Variants in SLC35D1 observed in about 807,000 individuals in gnomAD.
The protein encoded by SLC35D1 is nucleotide sugar transporter SLC35D1.
In SLC35D1, 31 loss-of-function variants were observed where a neutral mutation model predicts 46.7. The ratio of observed to expected loss-of-function variants is 0.66; its 90% CI spans 0.50 to 0.90. SLC35D1 has a LOEUF of 0.90. Ranked by LOEUF, SLC35D1 falls within the 40% of genes least tolerant of loss-of-function variation. The probability of loss-of-function intolerance (pLI) is 0.00; values close to 1 mark genes in which losing one functional copy is unlikely to be tolerated. For synonymous variants in SLC35D1, 195 were observed against 164.6 expected (o/e 1.18, Z -1.41); for missense variants, 397 against 426.2 (o/e 0.93, Z 0.60).
intron 10 of SLC35D1, among the ~76,000 whole-genome samples, chr1:67,016,992 T>C (rs903681654): frequency 6.6e-6 from 1 of 152,124 alleles, no homozygotes; most frequent in African/African-American, 2.4e-5. Context: ...TTTTATGATA[T>C]CAAAAGGAGA....
At chr1:67,008,477 T>C (rs1225910981) in intron 11 of SLC35D1, 2 of 1,287,390 alleles carry the variant, frequency 1.6e-6, no homozygotes, top group Admixed American at 2.3e-5. Flanking sequence ...AAAGACAAAG[T>C]TACAGTTCCT....
chr1:67,023,486 AT>A (rs35716426), intron 8 of SLC35D1, among the ~76,000 whole-genome samples: 23,129 of 131,514 alleles, frequency 0.18, 1,619 homozygotes, highest in East Asian at 0.34. Context: ...ATCTTTTGCC[AT>A]TTTTTTTTTT....
At chr1:67,045,908 T>C (rs1645246497) in intron 7 of SLC35D1, among the ~76,000 whole-genome samples, 2 of 152,184 alleles carry the variant, frequency 1.3e-5, no homozygotes, top group Admixed American at 6.5e-5. Flanking sequence ...TAAAATGTCA[T>C]TAATAGTATC....
In SLC35D1 at chr1:67,020,451, G is replaced by A; in HGVS notation, c.798-4C>T. ...TGTGGCGTACATTAAGATAAACCTA[G>A]AATGAAGAAAGAGGTATAAAATCCA... On this transcript the variant is annotated splice_polypyrimidine_tract_variant and splice_region_variant and intron_variant, in intron 9 of 11. Transcript: ENST00000235345. The A allele has an allele frequency of 6.3e-7, 1 of 1,595,872 alleles. No homozygotes were observed. The highest frequency in any genetic ancestry group is 8.6e-7 in the Non-Finnish European group (1 of 1,163,738).
At chr1:67,008,076 T>G (rs1310992943) in intron 11 of SLC35D1, among the ~76,000 whole-genome samples, 1 of 152,156 alleles carries the variant, frequency 6.6e-6, no homozygotes, top group Non-Finnish European at 1.5e-5. Flanking sequence ...AAGCCTAAGT[T>G]TATGCCTTTT....
At chr1:66,993,750 T>A in the SLC35D1 span, among the ~76,000 whole-genome samples, 2 of 152,188 alleles carry the variant, frequency 1.3e-5, no homozygotes, top group African/African-American at 4.8e-5. Flanking sequence ...GTTTAGAGGA[T>A]TAAAATGTGT....
At chr1:67,052,237 C>G (rs1645317186) in intron 3 of SLC35D1, among the ~76,000 whole-genome samples, 158 bp from the exon 4 acceptor site, 1 of 151,994 alleles carries the variant, frequency 6.6e-6, no homozygotes, top group African/African-American at 2.4e-5. Context: ...AACACCCAAA[C>G]AAAACTTATG....
intron 3 of SLC35D1, 59 bp from the exon 4 acceptor site, chr1:67,052,138 C>T (rs1198177085): frequency 1.7e-6 from 2 of 1,192,360 alleles, no homozygotes; most frequent in East Asian, 2.3e-5. Context: ...AAACAAGGTC[C>T]TTTCAAACAG....
chr1:66,977,392 G>GA, the SLC35D1 span, among the ~76,000 whole-genome samples: 2 of 152,152 alleles, frequency 1.3e-5, no homozygotes, highest in African/African-American at 2.4e-5. Context: ...TTACAGGAGT[G>GA]AGCCACTGTA....
intron 8 of SLC35D1, among the ~76,000 whole-genome samples, chr1:67,036,394 G>A (rs746833032): frequency 6.6e-6 from 1 of 151,970 alleles, no homozygotes; most frequent in Non-Finnish European, 1.5e-5. Context: ...TCACTGTAGA[G>A]ATCTTTCATT....
rs1667852273 is a variant in SLC35D1, at chr1:67,023,461, G to A, written c.730-1859C>T. 2.0e-5 allele frequency among the ~76,000 whole-genome samples: 3 copies of A among 150,756 alleles called. No homozygotes were observed. The South Asian group carries it at 6.3e-4, about 32-fold the overall frequency. ...TTGACATTAGCATTTCTTCTTTGGT[G>A]AAGTGTCTGTCTAAATCTTTTGCCA... On this transcript the variant is annotated intron_variant, in intron 8 of 11. Coordinates refer to ENST00000235345, the MANE Select transcript of SLC35D1 (RefSeq NM_015139.3).
the SLC35D1 span, among the ~76,000 whole-genome samples, chr1:66,974,779 C>T: frequency 4.8e-3 from 724 of 152,128 alleles, 12 homozygotes; most frequent in Admixed American, 0.027. Flanking sequence ...AAAAGGGAGA[C>T]GAGTACTCTA....
rs538777063 is a variant in SLC35D1, at chr1:67,035,082, G to A, written c.729+7154C>T. On this transcript the variant is annotated intron_variant, in intron 8 of 11. Transcript: ENST00000235345. ...AATTTGGTTTGCTAGTATTTTTGTT[G>A]AGGATTTCTCCACTACTATTCATCA... is the stretch of plus-strand genomic sequence containing the variant. Among the ~76,000 whole-genome samples, 10 of 152,092 alleles carry A rather than the reference G, an allele frequency of 6.6e-5. No individual in the cohort carries two copies. In the East Asian group the frequency reaches 1.7e-3, roughly 26 times the overall value.
intron 8 of SLC35D1, among the ~76,000 whole-genome samples, chr1:67,038,644 G>C (rs1668173304): frequency 6.6e-6 from 1 of 152,146 alleles, no homozygotes; most frequent in Admixed American, 6.5e-5. Flanking sequence ...TGTCCACTCT[G>C]CCTTTATCTA....
At chr1:66,980,427 A>G in the SLC35D1 span, among the ~76,000 whole-genome samples, 6 of 152,222 alleles carry the variant, frequency 3.9e-5, no homozygotes, top group African/African-American at 1.2e-4. Flanking sequence ...ACCTCAGACT[A>G]TTAGAAGTTT....
At chr1:67,046,713 G>C (rs1157439324) in intron 7 of SLC35D1, among the ~76,000 whole-genome samples, 1 of 152,162 alleles carries the variant, frequency 6.6e-6, no homozygotes, top group East Asian at 1.9e-4. Context: ...AATCTGGCTT[G>C]ATCTAAAAAT....
chr1:66,984,672 T>G, the SLC35D1 span: 1 of 1,614,024 alleles, frequency 6.2e-7, no homozygotes, highest in South Asian at 1.1e-5. Context: ...AGAAACCACT[T>G]CATGCAGATA....
chr1:67,005,870 T>G (rs1667437133), intron 11 of SLC35D1, among the ~76,000 whole-genome samples: 1 of 152,206 alleles, frequency 6.6e-6, no homozygotes. Flanking sequence ...CCCACGGCCT[T>G]AATTCTTTTA....
chr1:67,005,470 T>C (rs1667428389), intron 11 of SLC35D1, among the ~76,000 whole-genome samples: 1 of 152,194 alleles, frequency 6.6e-6, no homozygotes, highest in African/African-American at 2.4e-5. Context: ...CGCATAATAC[T>C]AGCCATTCTC....
Sources: gnomAD v4.1 joint callset for allele counts (sites outside exome capture counted in the v4.1 genomes callset) on GRCh38, gnomAD v4.1.1 for gene constraint, MANE v1.5 for transcripts, NCBI Gene and HGNC (gene_info 2026-07-23, HGNC 2026-07-21) for gene names.